The following RMND5A variants were observed in gnomAD, a reference collection of about 807,000 sequenced individuals.
The protein encoded by RMND5A is required for meiotic nuclear division 5 homolog A, also known as E3 ubiquitin-protein transferase RMND5A.
In RMND5A, 17 loss-of-function variants were observed where a neutral mutation model predicts 49.7. That is an observed-to-expected ratio of 0.34 (90% CI 0.23 to 0.51). The LOEUF is 0.51. Among genes scored for constraint, RMND5A ranks in the 20% least tolerant of loss-of-function variants. The pLI is 0.96. For synonymous variants in RMND5A, 156 were observed against 167.7 expected, an observed-to-expected ratio of 0.93 and a Z score of 0.54; for missense variants, 255 against 471.3, an observed-to-expected ratio of 0.54 and a Z score of 4.25.
intron 5 of RMND5A, 174 bp downstream of exon 5, chr2:86,765,367 C>G: frequency 1.9e-6 from 1 of 526,422 alleles, no homozygotes; most frequent in South Asian, 3.1e-5. Flanking sequence ...ATTAAAGCCT[C>G]TTAGAAGTCA....
chr2:86,764,163 T>A (rs1672553236), intron 4 of RMND5A, among the ~76,000 whole-genome samples: 1 of 152,206 alleles, frequency 6.6e-6, no homozygotes, highest in African/African-American at 2.4e-5. Context: ...CCAGTTCAGA[T>A]TCTAGTGGTC....
At chr2:86,745,506 C>T (rs1181080235) in intron 2 of RMND5A, among the ~76,000 whole-genome samples, 1 of 152,156 alleles carries the variant, frequency 6.6e-6, no homozygotes. Flanking sequence ...ATATGCCTGA[C>T]TCATGTTTAA....
At chr2:86,721,191 T>C (rs2674826) in intron 1 of RMND5A, 30,643 of 208,092 alleles carry the variant, frequency 0.15, 2,725 homozygotes, top group African/African-American at 0.24. Context: ...CGCTGTTCTG[T>C]GGGCGGTGAC....
At chr2:86,749,640 T>G (rs1681598657) in intron 2 of RMND5A, among the ~76,000 whole-genome samples, 1 of 152,172 alleles carries the variant, frequency 6.6e-6, no homozygotes, top group Non-Finnish European at 1.5e-5. Context: ...TCCTCCCACC[T>G]CGGCCTCCCA....
chr2:86,748,818 G>C (rs927906183), intron 2 of RMND5A, among the ~76,000 whole-genome samples: 1 of 152,114 alleles, frequency 6.6e-6, no homozygotes, highest in Non-Finnish European at 1.5e-5. Context: ...GTGTCTTCCA[G>C]CGTTGTTTTA....
chr2:86,743,110 G>A (rs908924825), intron 2 of RMND5A, among the ~76,000 whole-genome samples: 2 of 152,116 alleles, frequency 1.3e-5, no homozygotes, highest in African/African-American at 4.8e-5. Flanking sequence ...GCCTGGCTGA[G>A]CATCTCTTAC....
intron 2 of RMND5A, 96 bp from the exon 3 acceptor site, chr2:86,751,800 T>C (rs1057192560): frequency 5.1e-6 from 6 of 1,176,614 alleles, no homozygotes; most frequent in African/African-American, 3.1e-5. Flanking sequence ...TGGGTTCTTA[T>C]TGGGGTATCT....
chr2:86,751,692 CATT>C (rs1187606254), intron 2 of RMND5A, among the ~76,000 whole-genome samples: 1 of 152,072 alleles, frequency 6.6e-6, no homozygotes, highest in Non-Finnish European at 1.5e-5. Flanking sequence ...TTTAAAAAAA[CATT>C]ATCTAAAAAT....
At position 86,770,126 on chromosome 2, in the gene RMND5A, G is replaced by A; in HGVS notation, c.957+1G>A. ...TTGGAACCAGAAAGATGAATTACCT[G>A]TGAGTTCCATTTTCTATTGGCTATT... On this transcript the variant is annotated splice_donor_variant, in intron 7 of 8. Transcript: ENST00000283632. LOFTEE classifies it high-confidence loss of function. 1 of 1,595,350 alleles carries A rather than the reference G, an allele frequency of 6.3e-7. No individual in the cohort carries two copies. The highest frequency in any genetic ancestry group is 8.6e-7 in the Non-Finnish European group (1 of 1,162,980).
rs184616174 is a variant in RMND5A at position 86,765,294 on chromosome 2, A to G, written c.688+101A>G. ...AGAGCTAATACCTGTTTGCCAGTAA[A>G]CAGTTGTAGTTGATAATCACTTACA... On this transcript the variant is annotated intron_variant, in intron 5 of 8. Transcript: ENST00000283632. The G allele has an allele frequency of 3.1e-4, 327 of 1,042,050 alleles. No individual in the cohort carries two copies. Among genetic ancestry groups the G allele is most frequent in the Non-Finnish European group, 4.1e-4 (298 of 727,160 alleles). The allele number at this position is 1,042,050 out of a possible 1,614,324, so 64.6% of individuals were successfully genotyped here. A position where few individuals can be genotyped will look rare whatever the true frequency, so the allele number is the denominator to read the frequency against.
At position 86,777,504 on chromosome 2, in the gene RMND5A, T is replaced by G. The variant is rs1672789253; in HGVS notation, c.*4093T>G. ...ATGTATTTTGCTCATGACTGCAGTA[T>G]GCATGTATTTTTTTCCTTCTCTGTG... On this transcript the variant is annotated 3_prime_UTR_variant, in exon 9 of 9. Coordinates refer to ENST00000283632, the MANE Select transcript of RMND5A (RefSeq NM_022780.4). 6.6e-6 allele frequency: 1 copy of G among 152,250 alleles called. No homozygotes were observed. Among genetic ancestry groups the G allele is most frequent in the Admixed American group, 6.5e-5 (1 of 15,288 alleles). The allele number at this position is 152,250 out of a possible 1,614,324, so 9.4% of individuals were successfully genotyped here.
At chr2:86,720,980 A>T (rs1235734441) in intron 1 of RMND5A, 171 bp downstream of exon 1, 3 of 539,476 alleles carry the variant, frequency 5.6e-6, no homozygotes, top group South Asian at 5.5e-5. Context: ...CGTCCGATTT[A>T]CCTCGAACCT....
Position 86,771,648 on chromosome 2 carries a change from A to G in RMND5A, c.1048A>G (p.Met350Val). 1 of 1,613,680 alleles carries G rather than the reference A, an allele frequency of 6.2e-7. No homozygotes were observed. Among genetic ancestry groups the G allele is most frequent in the South Asian group, 1.1e-5 (1 of 91,076 alleles). The change falls in exon 8 of 9, where the codon ATG becomes GTG. Residue 350 changes from methionine to valine, a missense_variant. Transcript: ENST00000283632. ...GCAAACAACAGATAACAATCCACCC[A>G]TGAAATTGGTCTGTGGTCATATTAT... ...RQQTTDNNPP[M>V]KLVCGHIISR...
rs74807421 is a variant in RMND5A at position 86,744,246 on chromosome 2, A to C, written c.285+3177A>C. On this transcript the variant is annotated intron_variant, in intron 2 of 8. Transcript: ENST00000283632. Reference sequence around the variant, plus strand: ...TTCCGTGTAGGCTGTTTCACATAAGACTGCATTGACTTGTTAAGTCCTCCA... The same window carrying C: ...TTCCGTGTAGGCTGTTTCACATAAGCCTGCATTGACTTGTTAAGTCCTCCA... 2.3e-3 allele frequency among the ~76,000 whole-genome samples: 347 copies of C among 152,230 alleles called. 5 individuals carry two copies. Among genetic ancestry groups the C allele is most frequent in the African/African-American group, 8.0e-3 (331 of 41,540 alleles).
intron 2 of RMND5A, among the ~76,000 whole-genome samples, chr2:86,742,629 C>T (rs1399138575): frequency 1.3e-5 from 2 of 151,776 alleles, no homozygotes; most frequent in Non-Finnish European, 2.9e-5. Context: ...GAAGAACCCT[C>T]AGTTCCTCTA....
At chr2:86,764,963 A>G (rs1573444387) in intron 4 of RMND5A, 64 bp from the exon 5 acceptor site, 2 of 1,494,124 alleles carry the variant, frequency 1.3e-6, no homozygotes, top group African/African-American at 1.4e-5. Flanking sequence ...CTGGGTTTCA[A>G]ATAGTTTTTA....
intron 4 of RMND5A, among the ~76,000 whole-genome samples, chr2:86,758,160 G>A (rs1332431030): frequency 1.2e-5 from 1 of 82,976 alleles, no homozygotes. Context: ...AAATCAAAAG[G>A]CACAACAAGA....
chr2:86,753,542 C>G lies in RMND5A; in HGVS notation c.505C>G (p.Leu169Val). ...ATTAGAGGCATTAAAGGTCAGAGTT[C>G]TGAGACCTGCTCTGGAGTGAGTATT... Reference protein sequence around the residue: ...RILEALKVRVLRPALEWAVSN... With the variant: ...RILEALKVRVVRPALEWAVSN... The change falls in exon 4 of 9, where the codon CTG becomes GTG. Residue 169 changes from leucine to valine, a missense_variant. Transcript: ENST00000283632. 1 of 1,593,430 alleles carries G rather than the reference C, an allele frequency of 6.3e-7. No individual in the cohort carries two copies. Among genetic ancestry groups the G allele is most frequent in the Non-Finnish European group, 8.6e-7 (1 of 1,161,800 alleles).
chr2:86,777,777 G>A lies in RMND5A; in HGVS notation c.*4366G>A, dbSNP rs978430105. The A allele has an allele frequency of 1.3e-5, 2 of 152,122 alleles. No homozygotes were observed. The highest frequency in any genetic ancestry group is 1.9e-4 in the East Asian group (1 of 5,202). The allele number at this position is 152,122 out of a possible 1,614,324, so 9.4% of individuals were successfully genotyped here. ...CATCTTATAGACTATAGGCAATAAAGCTAACAATAAACCTTATTTAACACA... is the reference window on the plus strand; with the variant it reads ...CATCTTATAGACTATAGGCAATAAAACTAACAATAAACCTTATTTAACACA... On this transcript the variant is annotated 3_prime_UTR_variant, in exon 9 of 9. Transcript: ENST00000283632.
Sources: allele counts gnomAD v4.1 joint callset (sites outside exome capture counted in the v4.1 genomes callset), GRCh38; gene constraint gnomAD v4.1.1; transcripts MANE v1.5; gene names NCBI Gene and HGNC (gene_info 2026-07-23, HGNC 2026-07-21).